The following ANKRD28 variants were observed in gnomAD, a reference collection of about 807,000 sequenced individuals.
The protein encoded by ANKRD28 is serine/threonine-protein phosphatase 6 regulatory ankyrin repeat subunit A.
A neutral mutation model predicts 126.5 loss-of-function variants in ANKRD28; 44 were observed. The observed-to-expected ratio is 0.35, with a 90% confidence interval of 0.27 to 0.45. The LOEUF (loss-of-function observed/expected upper bound fraction) is 0.45, where lower values mean the gene tolerates loss of function less well. Among genes scored for constraint, ANKRD28 ranks in the 20% least tolerant of loss-of-function variants. The pLI, the probability that ANKRD28 is intolerant of heterozygous loss-of-function variation, is 1.00. For synonymous variants in ANKRD28, 442 were observed against 468.5 expected (o/e 0.94, Z 0.73); for missense variants, 1,110 against 1,316.6 (o/e 0.84, Z 2.43).
intron 14 of ANKRD28, among the ~76,000 whole-genome samples, chr3:15,697,060 C>T (rs1217278580): frequency 2.6e-5 from 4 of 152,156 alleles, no homozygotes; most frequent in South Asian, 2.1e-4. Flanking sequence ...TATCAACGAA[C>T]GAGTGCGTAA....
chr3:15,686,394 T>A (rs1030735385), intron 18 of ANKRD28, 85 bp from the exon 19 acceptor site: 3 of 1,135,424 alleles, frequency 2.6e-6, no homozygotes, highest in Non-Finnish European at 3.8e-6. Context: ...CTTCTAGAAT[T>A]TACTTTTGGG....
At chr3:15,670,805 C>T (rs1000562139) in intron 27 of ANKRD28, among the ~76,000 whole-genome samples, 9 of 152,136 alleles carry the variant, frequency 5.9e-5, no homozygotes, top group Non-Finnish European at 1.2e-4. Context: ...GAATGATTCC[C>T]CAAGGTCTCA....
chr3:15,747,813 T>C (rs2125321870), intron 4 of ANKRD28, among the ~76,000 whole-genome samples: 1 of 152,304 alleles, frequency 6.6e-6, no homozygotes, highest in Admixed American at 6.5e-5. Context: ...CCCACTATTA[T>C]TGTGTTGCTC....
chr3:15,857,473 C>T (rs62240846), intron 1 of ANKRD28, among the ~76,000 whole-genome samples: 5,469 of 152,202 alleles, frequency 0.036, 158 homozygotes, highest in Non-Finnish European at 0.054. Context: ...TTAAGAGAAA[C>T]GGGGTTTCAC....
chr3:15,708,729 A>C (rs2071813081), intron 13 of ANKRD28, among the ~76,000 whole-genome samples: 1 of 152,194 alleles, frequency 6.6e-6, no homozygotes, highest in Admixed American at 6.5e-5. Flanking sequence ...AAGTAGGCTT[A>C]TGAGAGCAAT....
At chr3:15,747,511 C>T (rs2320322) in intron 4 of ANKRD28, among the ~76,000 whole-genome samples, 2 of 152,016 alleles carry the variant, frequency 1.3e-5, no homozygotes, top group Non-Finnish European at 2.9e-5. Context: ...TTTGTGGCTT[C>T]CTTTTGGAGT....
chr3:15,762,675 A>G (rs1400103891), intron 3 of ANKRD28, among the ~76,000 whole-genome samples: 1 of 152,194 alleles, frequency 6.6e-6, no homozygotes, highest in Non-Finnish European at 1.5e-5. Context: ...AAGCATATCT[A>G]AAAGTCACAG....
intron 4 of ANKRD28, among the ~76,000 whole-genome samples, chr3:15,744,980 T>C (rs145437597): frequency 6.6e-4 from 101 of 152,350 alleles, no homozygotes; most frequent in African/African-American, 2.3e-3. Flanking sequence ...TGATTTACAT[T>C]TCCCTGATAA....
intron 1 of ANKRD28, among the ~76,000 whole-genome samples, chr3:15,825,265 T>C (rs974825143): frequency 1.3e-5 from 2 of 152,256 alleles, no homozygotes; most frequent in Non-Finnish European, 2.9e-5. Context: ...GGGCAGACGA[T>C]AGGCATGAGG....
intron 1 of ANKRD28, among the ~76,000 whole-genome samples, chr3:15,818,091 G>A (rs1187457081): frequency 2.6e-5 from 4 of 152,094 alleles, no homozygotes; most frequent in Admixed American, 1.3e-4. Context: ...AAATACTGAT[G>A]AAAGACATCA....
At chr3:15,851,210 A>G (rs1307381020) in intron 1 of ANKRD28, among the ~76,000 whole-genome samples, 2 of 152,098 alleles carry the variant, frequency 1.3e-5, no homozygotes, top group African/African-American at 2.4e-5. Flanking sequence ...AAGATGCTCA[A>G]CATCATTAGG....
rs58789798 is a variant in ANKRD28 at position 15,707,807 on chromosome 3, A to ATT, written c.1547+116_1547+117insAA. On this transcript the variant is annotated intron_variant, in intron 14 of 27. Coordinates refer to ENST00000683139, the MANE Select transcript of ANKRD28 (RefSeq NM_001349278.2). Reference sequence around the variant, plus strand: ...CTATTTCCCAAAATAGACTTAGGGCAAAGATAATCAACAAAAAATACAAAG... The same window carrying ATT: ...CTATTTCCCAAAATAGACTTAGGGCATTAAGATAATCAACAAAAAATACAAAG... 11,324 of 1,271,508 alleles carry ATT rather than the reference A, an allele frequency of 8.9e-3. 747 individuals are homozygous for ATT. In the African/African-American group the frequency reaches 0.14, roughly 16 times the overall value. 78.8% of individuals were successfully genotyped at this position (1,271,508 alleles called of 1,614,324 possible).
chr3:15,728,021 C>T (rs997172738), intron 6 of ANKRD28, among the ~76,000 whole-genome samples: 5 of 152,178 alleles, frequency 3.3e-5, no homozygotes, highest in East Asian at 1.9e-4. Flanking sequence ...AAGAGTCCAT[C>T]GATGCAGCAC....
rs1292915660 is a variant in ANKRD28, at chr3:15,846,025, C to A, written c.27+13352G>T. On this transcript the variant is annotated intron_variant, in intron 1 of 27. Coordinates refer to the ANKRD28 transcript ENST00000399451. This position sits in a 1 kb window ranked among gnomAD's most constrained non-coding sequence, Gnocchi z 5.4. The stretch of plus-strand genomic sequence containing the variant: ...GGACACAGAGCCAAACCATATCATT[C>A]CACACCTGGCCACTCCCAAATCTCA... 6.6e-6 allele frequency among the ~76,000 whole-genome samples: 1 copy of A among 152,100 alleles called. No homozygotes were observed. Among genetic ancestry groups the A allele is most frequent in the Non-Finnish European group, 1.5e-5 (1 of 68,012 alleles).
At chr3:15,799,327 A>C (rs192240937), upstream of ANKRD28, among the ~76,000 whole-genome samples, 441 of 151,780 alleles carry the variant, frequency 2.9e-3, 2 homozygotes, top group African/African-American at 7.3e-3. Flanking sequence ...GAAAAAAAAA[A>C]CAAAAAATCC....
chr3:15,850,224 T>TATATATATATATAGAGAGAG (rs1418223588), intron 1 of ANKRD28, among the ~76,000 whole-genome samples: 50 of 35,094 alleles, frequency 1.4e-3, no homozygotes, highest in Non-Finnish European at 2.1e-3. Context: ...TATATATATA[T>TATATATATATATAGAGAGAG]AGAGAGAGAG....
intron 2 of ANKRD28, among the ~76,000 whole-genome samples, chr3:15,783,223 T>TA (rs2125707727): frequency 6.6e-6 from 1 of 151,710 alleles, no homozygotes; most frequent in Admixed American, 6.6e-5. Flanking sequence ...ACAATCCAAT[T>TA]AAAAAAACTC....
intron 6 of ANKRD28, among the ~76,000 whole-genome samples, chr3:15,730,650 T>C (rs2074513682): frequency 1.3e-5 from 2 of 152,238 alleles, no homozygotes; most frequent in South Asian, 4.1e-4. Flanking sequence ...TAATCCTGCA[T>C]ACCTAGAATG....
intron 17 of ANKRD28, among the ~76,000 whole-genome samples, chr3:15,693,912 G>A (rs1355271432): frequency 2.0e-5 from 3 of 152,056 alleles, no homozygotes; most frequent in African/African-American, 4.8e-5. Context: ...TAGTACATAT[G>A]AAAAGAAACA....
Sources: gnomAD v4.1 joint callset for allele counts (sites outside exome capture counted in the v4.1 genomes callset) on GRCh38, gnomAD v4.1.1 for gene constraint, Gnocchi (gnomAD v3.1) non-coding constraint, MANE v1.5 for transcripts, NCBI Gene and HGNC (gene_info 2026-07-23, HGNC 2026-07-21) for gene names.